The following SH3GL3 variants were observed in gnomAD, a reference collection of about 807,000 sequenced individuals.
The protein encoded by SH3GL3 is endophilin-A3.
SH3GL3 carries 33 observed loss-of-function variants against 47.7 expected under a neutral mutation model. That is an observed-to-expected ratio of 0.69 (90% CI 0.52 to 0.92). The LOEUF (loss-of-function observed/expected upper bound fraction) is 0.92. Ranked by LOEUF, SH3GL3 falls within the 40% of genes least tolerant of loss-of-function variation. The pLI is 0.00. For synonymous variants in SH3GL3, 155 were observed against 148.8 expected (o/e 1.04, Z -0.30); for missense variants, 363 against 417.8 (o/e 0.87, Z 1.14).
the SH3GL3 span, among the ~76,000 whole-genome samples, chr15:83,627,125 G>A: frequency 9.9e-5 from 15 of 152,124 alleles, no homozygotes; most frequent in South Asian, 2.1e-4. Flanking sequence ...GGCTGGGCGC[G>A]GTGGCTCACA....
At chr15:83,462,507 C>T (rs1047433711) in intron 1 of SH3GL3, among the ~76,000 whole-genome samples, 1 of 152,172 alleles carries the variant, frequency 6.6e-6, no homozygotes, top group African/African-American at 2.4e-5. Flanking sequence ...TTAATTTAAC[C>T]CAGTCATGGA....
At chr15:83,463,229 G>A (rs2040391496) in intron 1 of SH3GL3, among the ~76,000 whole-genome samples, 1 of 152,148 alleles carries the variant, frequency 6.6e-6, no homozygotes, top group African/African-American at 2.4e-5. Flanking sequence ...TCTAGGACCA[G>A]GTTTATCATT....
intron 2 of SH3GL3, among the ~76,000 whole-genome samples, chr15:83,563,444 C>T (rs747228075): frequency 1.1e-4 from 16 of 152,186 alleles, no homozygotes; most frequent in Non-Finnish European, 2.1e-4. Flanking sequence ...ATAAGCACTT[C>T]TCCCTTGATC....
chr15:83,581,316 C>T (rs942321638), intron 6 of SH3GL3, among the ~76,000 whole-genome samples: 2 of 152,232 alleles, frequency 1.3e-5, no homozygotes, highest in Non-Finnish European at 2.9e-5. Flanking sequence ...TCTGCATTCT[C>T]CCAACTGAGA....
rs142752873 is a variant in SH3GL3 at position 83,491,776 on chromosome 15, A to G, written c.45+44198A>G. Among the ~76,000 whole-genome samples the G allele has an allele frequency of 3.9e-5, 6 of 152,292 alleles. No individual in the cohort carries two copies. In the East Asian group the frequency reaches 1.2e-3, roughly 29 times the overall value. On this transcript the variant is annotated intron_variant, in intron 1 of 8. Transcript: ENST00000427482. ...TTCACTTTGTGTTTGTCCAGCTTCC[A>G]TGGCATGTGGAAGAAGTTGGTCGGC...
At chr15:83,492,986 C>T (rs1328455487) in intron 1 of SH3GL3, among the ~76,000 whole-genome samples, 43 of 152,204 alleles carry the variant, frequency 2.8e-4, no homozygotes, top group Non-Finnish European at 2.9e-5. Context: ...ACAAGTGAAC[C>T]TTATTTCCAT....
At position 83,580,204 on chromosome 15, in the gene SH3GL3, C is replaced by T. The variant is rs77395074; in HGVS notation, c.624+3463C>T. On this transcript the variant is annotated intron_variant, in intron 6 of 8. Transcript: ENST00000427482. ...TCTTGTTGCCATGTTGCTTCCTTTCCTGGTGGGGAAGTCCTGCATGAGGAG... is the reference window on the plus strand; with the variant it reads ...TCTTGTTGCCATGTTGCTTCCTTTCTTGGTGGGGAAGTCCTGCATGAGGAG... 9.1e-4 allele frequency among the ~76,000 whole-genome samples: 138 copies of T among 152,266 alleles called. No homozygotes were observed. The East Asian group carries it at 0.026, about 28-fold the overall frequency.
chr15:83,575,778 GT>G lies in SH3GL3; in HGVS notation c.466-802del, dbSNP rs1238891662. 4.6e-5 allele frequency among the ~76,000 whole-genome samples: 7 copies of G among 152,302 alleles called. No individual in the cohort carries two copies. In the South Asian group the frequency reaches 1.5e-3, roughly 32 times the overall value. The stretch of plus-strand genomic sequence containing the variant: ...TCCCCATGCTTCAGTGGGATGATCA[GT>G]TTCTACATACACTTTCGATGCCTGG... On this transcript the variant is annotated intron_variant, in intron 5 of 8. Coordinates refer to ENST00000427482, the MANE Select transcript of SH3GL3 (RefSeq NM_003027.5).
chr15:83,490,164 G>A (rs1247538364), intron 1 of SH3GL3, among the ~76,000 whole-genome samples: 1 of 152,136 alleles, frequency 6.6e-6, no homozygotes, highest in African/African-American at 2.4e-5. Flanking sequence ...GGCCCCTTAG[G>A]GGTCTCCGCT....
intron 6 of SH3GL3, among the ~76,000 whole-genome samples, chr15:83,583,624 C>T (rs573566660): frequency 2.0e-5 from 3 of 152,244 alleles, no homozygotes; most frequent in Admixed American, 1.3e-4. Flanking sequence ...ATACTCCCAA[C>T]GGCCATATAT....
chr15:83,464,795 T>C (rs1264786585), intron 1 of SH3GL3, among the ~76,000 whole-genome samples: 2 of 152,054 alleles, frequency 1.3e-5, no homozygotes. Context: ...CCCATGATTG[T>C]AGTAGCCTCC....
At chr15:83,561,179 G>A (rs2045251590) in intron 2 of SH3GL3, among the ~76,000 whole-genome samples, 1 of 151,978 alleles carries the variant, frequency 6.6e-6, no homozygotes, top group Admixed American at 6.6e-5. Context: ...TGGAGAATGT[G>A]CATATTTTTC....
intron 1 of SH3GL3, among the ~76,000 whole-genome samples, chr15:83,484,729 G>A (rs544638956): frequency 4.3e-4 from 66 of 152,154 alleles, no homozygotes; most frequent in Non-Finnish European, 8.1e-4. Flanking sequence ...AATTATGCAT[G>A]CATTTATATT....
At chr15:83,571,786 GT>G (rs2045829207) in intron 4 of SH3GL3, among the ~76,000 whole-genome samples, 2 of 152,160 alleles carry the variant, frequency 1.3e-5, no homozygotes, top group Admixed American at 1.3e-4. Flanking sequence ...AGGAAAAATA[GT>G]TCATTCTAGT....
intron 6 of SH3GL3, among the ~76,000 whole-genome samples, chr15:83,584,480 C>T (rs1474001346): frequency 6.6e-6 from 1 of 152,176 alleles, no homozygotes; most frequent in Non-Finnish European, 1.5e-5. Context: ...CTCAGGCCCC[C>T]TCTGGTTTTA....
chr15:83,510,025 G>A (rs904455924), intron 1 of SH3GL3, among the ~76,000 whole-genome samples: 1 of 151,974 alleles, frequency 6.6e-6, no homozygotes, highest in African/African-American at 2.4e-5. Context: ...TAATGTATGT[G>A]TTCACCCATC....
At chr15:83,631,329 A>G in the SH3GL3 span, among the ~76,000 whole-genome samples, 129,403 of 152,192 alleles carry the variant, frequency 0.85, 55,511 homozygotes, top group East Asian at 0.96. Context: ...CTGGAGTCTG[A>G]AGAATGGTGG....
At chr15:83,508,406 C>G (rs779375790) in intron 1 of SH3GL3, among the ~76,000 whole-genome samples, 9 of 151,422 alleles carry the variant, frequency 5.9e-5, no homozygotes, top group Admixed American at 2.6e-4. Context: ...TGGAGGTGTT[C>G]GAGGATCATG....
At chr15:83,610,601 C>T (rs1181879701) in intron 8 of SH3GL3, among the ~76,000 whole-genome samples, 2 of 152,040 alleles carry the variant, frequency 1.3e-5, no homozygotes, top group Non-Finnish European at 2.9e-5. Context: ...CACAAACTAA[C>T]AATTTTCAGG....
Sources: gnomAD v4.1 joint callset for allele counts (sites outside exome capture counted in the v4.1 genomes callset) on GRCh38, gnomAD v4.1.1 for gene constraint, MANE v1.5 for transcripts, NCBI Gene and HGNC (gene_info 2026-07-23, HGNC 2026-07-21) for gene names.